Variants in NGEF observed in about 807,000 individuals in gnomAD.
NGEF encodes the protein neuronal guanine nucleotide exchange factor, also known as ephexin-1.
NGEF carries 31 observed loss-of-function variants against 80.9 expected under a neutral mutation model. The observed-to-expected ratio is 0.38, with a 90% CI of 0.29 to 0.52. The LOEUF is 0.52. Ranked by LOEUF, NGEF falls within the 20% of genes least tolerant of loss-of-function variation. The probability of loss-of-function intolerance (pLI) is 0.84; values close to 1 mark genes in which losing one functional copy is unlikely to be tolerated. For synonymous variants in NGEF, 371 were observed against 370.2 expected (o/e 1.00, Z -0.03); for missense variants, 709 against 926.2 (o/e 0.77, Z 3.04).
chr2:232,941,392 G>T (rs1463917597), intron 3 of NGEF, among the ~76,000 whole-genome samples: 1 of 145,074 alleles, frequency 6.9e-6, no homozygotes, highest in East Asian at 2.0e-4. Flanking sequence ...CAAGAAGGAG[G>T]TCTGCTTTGG....
chr2:232,901,741 A>G (rs370667063), intron 5 of NGEF, among the ~76,000 whole-genome samples: 2 of 152,236 alleles, frequency 1.3e-5, no homozygotes, highest in East Asian at 3.9e-4. Flanking sequence ...CTGGAGCCCA[A>G]CTTAGTTCAC....
At chr2:232,997,325 CGTT>C (rs1459140544) in intron 1 of NGEF, among the ~76,000 whole-genome samples, 1 of 152,142 alleles carries the variant, frequency 6.6e-6, no homozygotes, top group Non-Finnish European at 1.5e-5. Context: ...CTGCCCTTGT[CGTT>C]GTTGTTGCTT....
intron 3 of NGEF, among the ~76,000 whole-genome samples, chr2:232,929,152 G>A (rs1200110343): frequency 2.0e-5 from 3 of 152,230 alleles, no homozygotes; most frequent in African/African-American, 7.2e-5. Flanking sequence ...CGGCCCTGAG[G>A]AAACCCCAGG....
intron 1 of NGEF, among the ~76,000 whole-genome samples, chr2:232,995,056 A>C (rs9677058): frequency 3.8e-5 from 3 of 78,268 alleles, no homozygotes. Context: ...TACTGTATAT[A>C]TGTACAGTAT....
intron 1 of NGEF, among the ~76,000 whole-genome samples, chr2:233,010,203 A>T (rs1420996314): frequency 6.6e-6 from 1 of 152,014 alleles, no homozygotes; most frequent in African/African-American, 2.4e-5. Flanking sequence ...GGCATCTTTT[A>T]AACAGACCTC....
chr2:232,994,033 C>G (rs1694726725), intron 1 of NGEF, among the ~76,000 whole-genome samples: 1 of 152,036 alleles, frequency 6.6e-6, no homozygotes, highest in Non-Finnish European at 1.5e-5. Flanking sequence ...GAGTTGTACA[C>G]CATAAATGGG....
intron 3 of NGEF, among the ~76,000 whole-genome samples, chr2:232,936,923 A>G (rs1211210069): frequency 6.6e-6 from 1 of 152,136 alleles, no homozygotes; most frequent in Non-Finnish European, 1.5e-5. Context: ...GGTCTTGTAG[A>G]CTGTCCTTTA....
At chr2:232,908,368 T>C (rs1692622686) in intron 5 of NGEF, among the ~76,000 whole-genome samples, 1 of 152,196 alleles carries the variant, frequency 6.6e-6, no homozygotes, top group African/African-American at 2.4e-5. Flanking sequence ...AAATATACTC[T>C]TCTTATCAGC....
chr2:232,970,147 C>A, intron 3 of NGEF, 67 bp downstream of exon 3: 1 of 865,558 alleles, frequency 1.2e-6, no homozygotes, highest in Non-Finnish European at 1.7e-6. Context: ...CCTGTCAAGT[C>A]TTTGCAGCAA....
chr2:232,969,623 C>A (rs1213904118), intron 3 of NGEF, among the ~76,000 whole-genome samples: 1 of 151,898 alleles, frequency 6.6e-6, no homozygotes. Context: ...ATTCTCTTCC[C>A]TCAGCCTCCC....
At chr2:232,927,809 G>C in intron 3 of NGEF, 2 of 886,918 alleles carry the variant, frequency 2.3e-6, no homozygotes, top group East Asian at 7.3e-5. Flanking sequence ...GGCCGCGCAG[G>C]GGGTGCCCGG....
intron 6 of NGEF, 164 bp downstream of exon 6, chr2:232,894,592 G>A: frequency 2.8e-6 from 2 of 725,864 alleles, no homozygotes; most frequent in Admixed American, 3.1e-5. Context: ...AAGGGGTGGT[G>A]AGGTTTGGAT....
chr2:232,905,692 G>A (rs1194538072), intron 5 of NGEF: 1 of 399,540 alleles, frequency 2.5e-6, no homozygotes, highest in South Asian at 1.7e-5. Context: ...CATCTAGGAA[G>A]TGAAGAGCAT....
intron 1 of NGEF, among the ~76,000 whole-genome samples, chr2:233,012,395 C>T (rs1347182626): frequency 6.6e-6 from 1 of 152,178 alleles, no homozygotes; most frequent in Non-Finnish European, 1.5e-5. Flanking sequence ...TGAGGCCAGC[C>T]AGATGCAAAA....
At chr2:232,908,118 T>A (rs906676820) in intron 5 of NGEF, among the ~76,000 whole-genome samples, 4 of 152,004 alleles carry the variant, frequency 2.6e-5, no homozygotes, top group African/African-American at 7.3e-5. Context: ...ACAAAAAAAA[T>A]AAAAAATAAA....
intron 1 of NGEF, among the ~76,000 whole-genome samples, chr2:232,986,317 T>TAGTCC (rs1694530781): frequency 6.6e-6 from 1 of 151,978 alleles, no homozygotes; most frequent in Non-Finnish European, 1.5e-5. Flanking sequence ...CCTCAAGAGG[T>TAGTCC]TAAAAATAGA....
In NGEF at chr2:232,927,197, GGGA is replaced by G. The variant is rs762029723; in HGVS notation, c.384-14_384-12del. ...GTGGAGGACGACTCACTGCCAGAGA[GGGA>G]GGAGGACAGGGGCTGGTTATTTTTA... is the stretch of plus-strand genomic sequence containing the variant. On this transcript the variant is annotated splice_polypyrimidine_tract_variant and intron_variant, in intron 3 of 14. Transcript: ENST00000264051. 5.1e-6 allele frequency: 8 copies of G among 1,575,592 alleles called. No individual in the cohort carries two copies. In the Admixed American group the frequency reaches 9.3e-5, roughly 18 times the overall value.
chr2:232,894,969 C>T (rs779497619), intron 5 of NGEF, 53 bp from the exon 6 acceptor site: 11 of 1,511,730 alleles, frequency 7.3e-6, no homozygotes, highest in Admixed American at 3.4e-5. Flanking sequence ...TCCACGAAGG[C>T]GCTAGCCTTG....
At chr2:232,927,900 G>A in intron 3 of NGEF, 1 of 1,308,452 alleles carries the variant, frequency 7.6e-7, no homozygotes, top group Non-Finnish European at 9.7e-7. Flanking sequence ...CACCTGCCGG[G>A]CAGGTGTCCC....
Sources: allele counts gnomAD v4.1 joint callset (sites outside exome capture counted in the v4.1 genomes callset), GRCh38; gene constraint gnomAD v4.1.1; transcripts MANE v1.5; gene names NCBI Gene and HGNC (gene_info 2026-07-23, HGNC 2026-07-21).